The following TSPAN15 variants were observed in gnomAD, a reference collection of about 807,000 sequenced individuals.
TSPAN15 encodes the protein tetraspanin 15, also known as tetraspanin-15.
A neutral mutation model predicts 34.5 loss-of-function variants in TSPAN15; 20 were observed. That is an observed-to-expected ratio of 0.58 (90% confidence interval 0.41 to 0.84). The LOEUF is 0.84. Among genes scored for constraint, TSPAN15 ranks in the 40% least tolerant of loss-of-function variants. The pLI is 0.00. For synonymous variants in TSPAN15, 155 were observed against 153.9 expected (o/e 1.01, Z -0.05); for missense variants, 313 against 386.1 (o/e 0.81, Z 1.59).
chr10:69,527,469 C>T, the TSPAN15 span, among the ~76,000 whole-genome samples: 123 of 146,880 alleles, frequency 8.4e-4, 6 homozygotes, highest in African/African-American at 2.8e-3. Context: ...GTGGTGCATA[C>T]CTGTAATCCT....
chr10:69,520,351 T>C, the TSPAN15 span, among the ~76,000 whole-genome samples: 91,356 of 152,122 alleles, frequency 0.6, 27,867 homozygotes, highest in African/African-American at 0.67. Context: ...GTCAGAATTT[T>C]GTTACTTTTT....
downstream of TSPAN15, among the ~76,000 whole-genome samples, chr10:69,508,999 G>A (rs1327680664): frequency 6.6e-6 from 1 of 152,234 alleles, no homozygotes; most frequent in Non-Finnish European, 1.5e-5. Context: ...TGGACACAAG[G>A]CCAGGTCAAG....
chr10:69,513,133 T>G, the TSPAN15 span, among the ~76,000 whole-genome samples: 1 of 152,238 alleles, frequency 6.6e-6, no homozygotes, highest in African/African-American at 2.4e-5. Flanking sequence ...CTAATGGGTG[T>G]GTGGTGGTAT....
At chr10:69,478,508 C>T (rs1040380995) in intron 1 of TSPAN15, among the ~76,000 whole-genome samples, 5 of 152,118 alleles carry the variant, frequency 3.3e-5, no homozygotes, top group African/African-American at 1.2e-4. Context: ...TGATGTTCTG[C>T]GCTCTCCCTC....
chr10:69,454,742 A>C (rs1198341256), intron 1 of TSPAN15, among the ~76,000 whole-genome samples: 1 of 152,180 alleles, frequency 6.6e-6, no homozygotes, highest in East Asian at 1.9e-4. Flanking sequence ...ACCTGAGCTC[A>C]GGAGACGGAG....
chr10:69,494,390 A>C (rs932370489), intron 3 of TSPAN15, among the ~76,000 whole-genome samples: 2 of 152,194 alleles, frequency 1.3e-5, no homozygotes, highest in African/African-American at 2.4e-5. Flanking sequence ...AAACACCTTC[A>C]CAGCTTTTGT....
In TSPAN15 at chr10:69,462,155, G is replaced by GTTTTT. The variant is rs755068937; in HGVS notation, c.96+10487_96+10491dup. 4.5e-3 allele frequency among the ~76,000 whole-genome samples: 371 copies of GTTTTT among 82,632 alleles called. 23 individuals carry two copies. The highest frequency in any genetic ancestry group is 0.011 in the African/African-American group (247 of 22,136). The allele number at this position is 82,632 out of a possible 152,430, so 54.2% of individuals were successfully genotyped here. On this transcript the variant is annotated intron_variant, in intron 1 of 7. Transcript: ENST00000373290. ...GCCACCATACCTGGCTAATTTTAAA[G>GTTTTT]TTTTTTTTTTTTTTTTTTTTTTTTT...
At chr10:69,515,760 A>G in the TSPAN15 span, among the ~76,000 whole-genome samples, 5 of 152,310 alleles carry the variant, frequency 3.3e-5, no homozygotes, top group South Asian at 8.3e-4. Flanking sequence ...GGCAGAAGGC[A>G]CAAACGTTCC....
At chr10:69,466,788 T>G (rs1277652867) in intron 1 of TSPAN15, among the ~76,000 whole-genome samples, 1 of 152,182 alleles carries the variant, frequency 6.6e-6, no homozygotes, top group Non-Finnish European at 1.5e-5. Flanking sequence ...GAGAAGGAAG[T>G]GGCTTCTCAT....
At position 69,504,201 on chromosome 10, in the gene TSPAN15, C is replaced by A. The variant is rs140161759; in HGVS notation, c.571-237C>A. Among the ~76,000 whole-genome samples the A allele has an allele frequency of 2.8e-3, 426 of 151,758 alleles. 8 individuals carry two copies. The East Asian group carries it at 0.037, about 13-fold the overall frequency. ...CTGCTGCTAGTGGAGGGGTGGTTCTCCCAGGTAAAAGTCATGGAACCTGCA... is the reference window on the plus strand; with the variant it reads ...CTGCTGCTAGTGGAGGGGTGGTTCTACCAGGTAAAAGTCATGGAACCTGCA... On this transcript the variant is annotated intron_variant, in intron 5 of 7. Transcript: ENST00000373290.
chr10:69,491,700 A>G (rs925266359), intron 3 of TSPAN15, among the ~76,000 whole-genome samples: 1 of 152,202 alleles, frequency 6.6e-6, no homozygotes, highest in African/African-American at 2.4e-5. Context: ...GCACTAGGCC[A>G]GCAGCAGGGC....
At chr10:69,513,094 G>T in the TSPAN15 span, among the ~76,000 whole-genome samples, 1 of 152,210 alleles carries the variant, frequency 6.6e-6, no homozygotes. Flanking sequence ...CTTGCCAGCA[G>T]TTGGTATGGC....
At chr10:69,452,938 A>AC (rs1280428374) in intron 1 of TSPAN15, among the ~76,000 whole-genome samples, 1 of 152,052 alleles carries the variant, frequency 6.6e-6, no homozygotes, top group East Asian at 1.9e-4. Context: ...TTTCCCTGTG[A>AC]CCCCTTTGTG....
chr10:69,543,009 G>T, the TSPAN15 span, among the ~76,000 whole-genome samples: 1 of 152,216 alleles, frequency 6.6e-6, no homozygotes, highest in African/African-American at 2.4e-5. Context: ...TAGGGGTGGG[G>T]TATTTGTCTT....
At chr10:69,545,375 G>A in the TSPAN15 span, among the ~76,000 whole-genome samples, 1 of 152,184 alleles carries the variant, frequency 6.6e-6, no homozygotes, top group Non-Finnish European at 1.5e-5. Context: ...TACTGGAGGA[G>A]AGGAGGCTAC....
chr10:69,525,393 T>C, the TSPAN15 span, among the ~76,000 whole-genome samples: 1 of 144,192 alleles, frequency 6.9e-6, no homozygotes, highest in African/African-American at 2.5e-5. Context: ...ATGCCTGTAA[T>C]CCCAGTATTT....
At chr10:69,462,420 C>T (rs1416691986) in intron 1 of TSPAN15, among the ~76,000 whole-genome samples, 2 of 151,922 alleles carry the variant, frequency 1.3e-5, no homozygotes, top group Non-Finnish European at 2.9e-5. Flanking sequence ...CTGCAAACTC[C>T]GCCTCCCAGG....
the TSPAN15 span, among the ~76,000 whole-genome samples, chr10:69,547,077 C>G: frequency 6.6e-6 from 1 of 151,884 alleles, no homozygotes; most frequent in African/African-American, 2.4e-5. Flanking sequence ...AATCACATGC[C>G]TGTAATCCCA....
intron 5 of TSPAN15, among the ~76,000 whole-genome samples, chr10:69,504,068 C>T (rs183404582): frequency 9.2e-5 from 14 of 152,252 alleles, no homozygotes; most frequent in Admixed American, 6.5e-5. Flanking sequence ...GAGCCAGCGG[C>T]GCAGGAACAG....
Sources: gnomAD v4.1 joint callset for allele counts (sites outside exome capture counted in the v4.1 genomes callset) on GRCh38, gnomAD v4.1.1 for gene constraint, MANE v1.5 for transcripts, NCBI Gene and HGNC (gene_info 2026-07-23, HGNC 2026-07-21) for gene names.